The following PIEZO2 variants were observed in gnomAD, a reference collection of about 807,000 sequenced individuals.
PIEZO2 encodes the protein piezo-type mechanosensitive ion channel component 2.
PIEZO2 carries 172 observed loss-of-function variants against 337.3 expected under a neutral mutation model. That is an observed-to-expected ratio of 0.51 (90% CI 0.45 to 0.58). The LOEUF is 0.58. Ranked by LOEUF, PIEZO2 falls within the 20% of genes least tolerant of loss-of-function variation. PIEZO2 has a pLI of 0.00. For missense variants in PIEZO2, 3,028 were observed against 3,391.3 expected, an observed-to-expected ratio of 0.89 and a Z score of 2.66; for synonymous variants, 1,251 against 1,228.5, an observed-to-expected ratio of 1.02 and a Z score of -0.38.
rs1168114584 is a variant in PIEZO2, at chr18:11,110,439, G to A, written c.64+38086C>T. Among the ~76,000 whole-genome samples, 2 of 152,226 alleles carry A rather than the reference G, an allele frequency of 1.3e-5. No homozygotes were observed. The highest frequency in any genetic ancestry group is 4.8e-5 in the African/African-American group (2 of 41,460). Reference sequence around the variant, plus strand: ...TGGCTGACAGGGCTTCAGCATGGGCGCTGCGGCCTTAACTCCTCACAAGTC... The same window carrying A: ...TGGCTGACAGGGCTTCAGCATGGGCACTGCGGCCTTAACTCCTCACAAGTC... On this transcript the variant is annotated intron_variant, in intron 1 of 55. Transcript: ENST00000674853. The surrounding 1 kb of genome is among the most constrained non-coding windows in gnomAD (Gnocchi z 4.2).
At chr18:10,800,507 T>G (rs376378440) in intron 10 of PIEZO2, 32 bp from the exon 11 acceptor site, 4 of 1,506,576 alleles carry the variant, frequency 2.7e-6, no homozygotes, top group Non-Finnish European at 3.5e-6. Flanking sequence ...GGACAACTGT[T>G]ACAGCAGCTC....
At chr18:10,776,804 C>CT (rs1048133559) in intron 18 of PIEZO2, among the ~76,000 whole-genome samples, 92 of 151,438 alleles carry the variant, frequency 6.1e-4, no homozygotes, top group African/African-American at 2.0e-3. Flanking sequence ...TTTAATTCAG[C>CT]TTTTTTTTTC....
chr18:10,970,660 T>TCACACACA (rs71169962), intron 3 of PIEZO2, among the ~76,000 whole-genome samples: 195 of 137,526 alleles, frequency 1.4e-3, no homozygotes, highest in South Asian at 4.0e-3. Flanking sequence ...AAAAGATGTT[T>TCACACACA]CACACACACA....
intron 1 of PIEZO2, among the ~76,000 whole-genome samples, chr18:11,088,904 G>C (rs2038988536): frequency 6.6e-6 from 1 of 152,192 alleles, no homozygotes; most frequent in South Asian, 2.1e-4. Context: ...CTGAGACTGG[G>C]GATGAAGACC....
rs375609109 is a variant in PIEZO2, at chr18:10,676,528, C to T, written c.8081+1219G>A. Among the ~76,000 whole-genome samples, 5 of 152,074 alleles carry T rather than the reference C, an allele frequency of 3.3e-5. No homozygotes were observed. The highest frequency in any genetic ancestry group is 1.2e-4 in the African/African-American group (5 of 41,400). ...ATATAATATGTTTTTTTCCAAATTT[C>T]CTTTTACCCCTTGTCCTCCTCAACC... On this transcript the variant is annotated intron_variant, in intron 53 of 55. Transcript: ENST00000674853. This position sits in a 1 kb window ranked among gnomAD's most constrained non-coding sequence, Gnocchi z 5.1.
intron 2 of PIEZO2, among the ~76,000 whole-genome samples, chr18:11,006,561 C>T (rs1042281800): frequency 1.3e-5 from 2 of 152,110 alleles, no homozygotes; most frequent in African/African-American, 4.8e-5. Context: ...CAAACTTTAC[C>T]TCGTATTGGT....
intron 9 of PIEZO2, 92 bp downstream of exon 9, chr18:10,803,783 A>C (rs1299072017): frequency 7.1e-7 from 1 of 1,416,436 alleles, no homozygotes; most frequent in East Asian, 2.5e-5. Context: ...TGAATATGAT[A>C]TGATATATAT....
In PIEZO2 at chr18:10,894,204, G is replaced by A. The variant is rs1443771885; in HGVS notation, c.329+16982C>T. 6.6e-6 allele frequency among the ~76,000 whole-genome samples: 1 copy of A among 152,134 alleles called. No individual in the cohort carries two copies. Among genetic ancestry groups the A allele is most frequent in the Non-Finnish European group, 1.5e-5 (1 of 68,018 alleles). On this transcript the variant is annotated intron_variant, in intron 4 of 55. Transcript: ENST00000674853. The surrounding 1 kb of genome is among the most constrained non-coding windows in gnomAD (Gnocchi z 4.1). ...GCGGTGGCTCACACCTGTAATCCCA[G>A]CACTCTGGAAGGCCGATGGGGGCGG...
At chr18:10,832,959 T>C (rs2040892558) in intron 7 of PIEZO2, among the ~76,000 whole-genome samples, 1 of 152,192 alleles carries the variant, frequency 6.6e-6, no homozygotes, top group South Asian at 2.1e-4. Flanking sequence ...CCTCCCTGCC[T>C]GCCCTCCGGG....
chr18:10,884,808 C>T (rs2042527222), intron 4 of PIEZO2, among the ~76,000 whole-genome samples: 1 of 152,074 alleles, frequency 6.6e-6, no homozygotes, highest in Non-Finnish European at 1.5e-5. Flanking sequence ...GCACATTTAT[C>T]CTCTTTATAA....
intron 1 of PIEZO2, among the ~76,000 whole-genome samples, chr18:11,089,742 G>C (rs1220403831): frequency 6.6e-6 from 1 of 152,162 alleles, no homozygotes; most frequent in Non-Finnish European, 1.5e-5. Context: ...TGCTTTGCAG[G>C]GGTCCTCAGG....
intron 15 of PIEZO2, among the ~76,000 whole-genome samples, chr18:10,788,427 A>AAGGAAGG (rs2039299238): frequency 8.1e-6 from 1 of 123,948 alleles, no homozygotes; most frequent in African/African-American, 3.1e-5. Flanking sequence ...AAAAAGAAAG[A>AAGGAAGG]AAGGAAGGAA....
rs1051878383 is a variant in PIEZO2, at chr18:10,770,128, T to G, written c.2946+20A>C. ...ACTGTGGTTCTGTTCAGCCTGATGA[T>G]AGGACAAATGTTCACTTGCCTCTTT... On this transcript the variant is annotated intron_variant, in intron 21 of 55. Transcript: ENST00000674853. The G allele has an allele frequency of 1.3e-6, 2 of 1,536,634 alleles. No individual in the cohort carries two copies. The highest frequency in any genetic ancestry group is 8.7e-7 in the Non-Finnish European group (1 of 1,146,586).
Position 10,679,532 on chromosome 18 carries a change from A to G in PIEZO2, c.7952+667T>C, listed in dbSNP as rs992746114. The stretch of plus-strand genomic sequence containing the variant: ...CATTGAAACAATTTTAGATTTTCTA[A>G]AAACCAGTATTAATTTAAATCAACT... On this transcript the variant is annotated intron_variant, in intron 52 of 55. Transcript: ENST00000674853. Among the ~76,000 whole-genome samples, 4 of 70,320 alleles carry G rather than the reference A, an allele frequency of 5.7e-5. No individual in the cohort carries two copies. The East Asian group carries it at 1.5e-3, about 27-fold the overall frequency. The allele number at this position is 70,320 out of a possible 152,430, so 46.1% of individuals were successfully genotyped here.
At chr18:10,820,912 AT>A (rs1268104523) in intron 7 of PIEZO2, among the ~76,000 whole-genome samples, 1 of 152,140 alleles carries the variant, frequency 6.6e-6, no homozygotes, top group East Asian at 1.9e-4. Flanking sequence ...AAGCTAAAAT[AT>A]TTTCAGAAAT....
chr18:10,701,789 G>GA lies in PIEZO2; in HGVS notation c.6441+199dup, dbSNP rs1355127954. 1.2e-4 allele frequency: 55 copies of GA among 446,002 alleles called. No homozygotes were observed. The Middle Eastern group carries it at 2.2e-3, about 18-fold the overall frequency. The allele number at this position is 446,002 out of a possible 1,614,324, so 27.6% of individuals were successfully genotyped here. On this transcript the variant is annotated intron_variant, in intron 43 of 55. Transcript: ENST00000674853. ...CCATTATTTAGCACCACAAGTGTTG[G>GA]AAAAAATGTCAGCTAAATGAACTTA...
At chr18:10,791,413 A>G (rs2039406950) in intron 13 of PIEZO2, 89 bp from the exon 14 acceptor site, 1 of 1,338,274 alleles carries the variant, frequency 7.5e-7, no homozygotes, top group African/African-American at 1.5e-5. Context: ...TCCGCATTCC[A>G]GTGGGAGCAC....
intron 18 of PIEZO2, among the ~76,000 whole-genome samples, chr18:10,778,907 G>C (rs1393304072): frequency 6.6e-6 from 1 of 152,186 alleles, no homozygotes; most frequent in African/African-American, 2.4e-5. Flanking sequence ...ATGGGTCTCA[G>C]CTTTCTCTTT....
In PIEZO2 at chr18:11,089,684, TGACA is replaced by T. The variant is rs532154740; in HGVS notation, c.65-23466_65-23463del. ...GTATCCAGCTGGTAGCACAAGATGT[TGACA>T]GACAGAGTGTCCATCTCCTCAAACA... On this transcript the variant is annotated intron_variant, in intron 1 of 55. Transcript: ENST00000674853. Among the ~76,000 whole-genome samples, 622 of 152,326 alleles carry T rather than the reference TGACA, an allele frequency of 4.1e-3. 5 individuals carry two copies. Among genetic ancestry groups the T allele is most frequent in the African/African-American group, 0.014 (568 of 41,580 alleles).
Sources: allele counts gnomAD v4.1 joint callset (sites outside exome capture counted in the v4.1 genomes callset), GRCh38; gene constraint gnomAD v4.1.1; non-coding constraint Gnocchi (gnomAD v3.1); transcripts MANE v1.5; gene names NCBI Gene and HGNC (gene_info 2026-07-23, HGNC 2026-07-21).